SHTN1: variants seen among roughly 807,000 people sequenced by gnomAD.
SHTN1 encodes shootin 1.
SHTN1 carries 42 observed loss-of-function variants against 83.1 expected under a neutral mutation model. The observed-to-expected ratio is 0.51, with a 90% CI of 0.39 to 0.65. The LOEUF (loss-of-function observed/expected upper bound fraction) is 0.65, where lower values mean the gene tolerates loss of function less well. Ranked by LOEUF, SHTN1 falls within the 30% of genes least tolerant of loss-of-function variation. The probability of loss-of-function intolerance (pLI) is 0.00; values close to 1 mark genes in which losing one functional copy is unlikely to be tolerated. For missense variants in SHTN1, 622 were observed against 737.8 expected (o/e 0.84, Z 1.82); for synonymous variants, 224 against 247.7 (o/e 0.90, Z 0.90).
At chr10:117,085,918 ATTTTTT>A (rs35586223) in intron 1 of SHTN1, among the ~76,000 whole-genome samples, 4 of 121,108 alleles carry the variant, frequency 3.3e-5, no homozygotes, top group Admixed American at 9.6e-5. Flanking sequence ...GCTTTGTCTG[ATTTTTT>A]TTTTTTTTTT....
intron 1 of SHTN1, among the ~76,000 whole-genome samples, chr10:117,074,995 T>C (rs1429287729): frequency 2.0e-5 from 3 of 152,098 alleles, no homozygotes; most frequent in African/African-American, 7.2e-5. Flanking sequence ...AATTAAGATA[T>C]TGTGAAGAAA....
intron 1 of SHTN1, among the ~76,000 whole-genome samples, chr10:116,985,833 T>G (rs2133497648): frequency 6.6e-6 from 1 of 152,292 alleles, no homozygotes; most frequent in East Asian, 1.9e-4. Flanking sequence ...ATTACAACAT[T>G]ATTCCCTTCT....
chr10:117,102,469 A>G (rs1182575202), intron 1 of SHTN1, among the ~76,000 whole-genome samples: 1 of 152,126 alleles, frequency 6.6e-6, no homozygotes, highest in Non-Finnish European at 1.5e-5. Context: ...GCTGCCAGTG[A>G]AAAGCCCTGC....
intron 2 of SHTN1, among the ~76,000 whole-genome samples, chr10:117,017,506 A>AC (rs1387338914): frequency 6.6e-6 from 1 of 151,378 alleles, no homozygotes; most frequent in African/African-American, 2.4e-5. Flanking sequence ...AAAAAAAAAA[A>AC]ATTAAATAAA....
chr10:117,116,951 T>C (rs1053971540), intron 1 of SHTN1, among the ~76,000 whole-genome samples: 12 of 152,232 alleles, frequency 7.9e-5, no homozygotes, highest in Non-Finnish European at 1.6e-4. Flanking sequence ...ACAACTAACA[T>C]ATTGAATGAA....
intron 2 of SHTN1, 22 bp downstream of exon 2, chr10:116,979,234 A>G (rs201130352): frequency 1.6e-5 from 26 of 1,587,114 alleles, no homozygotes; most frequent in East Asian, 4.5e-5. Flanking sequence ...AAGAAAGGGG[A>G]AAAAAAAGGT....
chr10:117,100,241 A>G (rs1853570682), intron 1 of SHTN1, among the ~76,000 whole-genome samples: 1 of 152,198 alleles, frequency 6.6e-6, no homozygotes, highest in Non-Finnish European at 1.5e-5. Context: ...CACACATCAG[A>G]TCAGGGCCTG....
chr10:116,916,923 A>G (rs924127975), intron 12 of SHTN1, among the ~76,000 whole-genome samples: 5 of 152,266 alleles, frequency 3.3e-5, no homozygotes, highest in African/African-American at 9.6e-5. Context: ...AACAGTTTTC[A>G]GATCCAGAAG....
chr10:116,965,513 T>G (rs574896054), intron 3 of SHTN1, among the ~76,000 whole-genome samples: 22 of 152,272 alleles, frequency 1.4e-4, no homozygotes, highest in African/African-American at 5.1e-4. Context: ...TGAGACTCCG[T>G]CTCAAAAAAA....
At chr10:117,022,504 G>C (rs952709659) in intron 2 of SHTN1, among the ~76,000 whole-genome samples, 1 of 151,738 alleles carries the variant, frequency 6.6e-6, no homozygotes, top group African/African-American at 2.4e-5. Flanking sequence ...AGATAACCAC[G>C]TTTGAGGATT....
chr10:116,988,260 G>A (rs1851294404), intron 1 of SHTN1, among the ~76,000 whole-genome samples: 1 of 151,454 alleles, frequency 6.6e-6, no homozygotes, highest in African/African-American at 2.4e-5. Context: ...TCCATTTTCT[G>A]TAAATCTAAA....
intron 1 of SHTN1, among the ~76,000 whole-genome samples, chr10:117,083,817 T>C (rs1347434131): frequency 6.6e-6 from 1 of 152,184 alleles, no homozygotes; most frequent in Non-Finnish European, 1.5e-5. Flanking sequence ...GCTGATACCC[T>C]TTCTTCCAGT....
At position 116,982,539 on chromosome 10, in the gene SHTN1, G is replaced by A. The variant is rs560774188; in HGVS notation, c.59-3231C>T. Among the ~76,000 whole-genome samples, 195 of 152,246 alleles carry A rather than the reference G, an allele frequency of 1.3e-3. 1 individual carries two copies. Among genetic ancestry groups the A allele is most frequent in the Non-Finnish European group, 1.9e-3 (132 of 68,022 alleles). On this transcript the variant is annotated intron_variant, in intron 1 of 16. Transcript: ENST00000355371. ...TCCTTTTTGGCAATGTTACGGGGTCGCAGAGAAAGCTGCCTTTTTGTTTCA... is the reference window on the plus strand; with the variant it reads ...TCCTTTTTGGCAATGTTACGGGGTCACAGAGAAAGCTGCCTTTTTGTTTCA...
chr10:116,979,222 G>A, intron 2 of SHTN1, 34 bp downstream of exon 2: 1 of 1,583,784 alleles, frequency 6.3e-7, no homozygotes, highest in South Asian at 1.1e-5. Context: ...TTTTACACAT[G>A]TAAGAAAGGG....
chr10:117,047,403 C>A (rs1401992042), intron 2 of SHTN1, among the ~76,000 whole-genome samples: 2 of 152,036 alleles, frequency 1.3e-5, no homozygotes, highest in African/African-American at 4.8e-5. Flanking sequence ...CTATGTCATT[C>A]AACACTGAGA....
intron 1 of SHTN1, among the ~76,000 whole-genome samples, chr10:117,049,955 T>C (rs1406310828): frequency 6.6e-6 from 1 of 150,938 alleles, no homozygotes; most frequent in Non-Finnish European, 1.5e-5. Flanking sequence ...CTCAAGAAAA[T>C]AGAAAAAGAA....
At chr10:117,021,954 G>A (rs1279745660) in intron 2 of SHTN1, among the ~76,000 whole-genome samples, 1 of 152,128 alleles carries the variant, frequency 6.6e-6, no homozygotes, top group Non-Finnish European at 1.5e-5. Context: ...ATCAGTTAAA[G>A]TAAAGCGGAT....
chr10:116,995,126 T>C (rs1191792259), intron 1 of SHTN1, among the ~76,000 whole-genome samples: 3 of 152,120 alleles, frequency 2.0e-5, no homozygotes, highest in Non-Finnish European at 4.4e-5. Flanking sequence ...ACCATGGCCA[T>C]TTTAAGTCTT....
intron 8 of SHTN1, among the ~76,000 whole-genome samples, chr10:116,944,177 T>C (rs563293408): frequency 6.6e-6 from 1 of 152,308 alleles, no homozygotes; most frequent in African/African-American, 2.4e-5. Flanking sequence ...TGGAGATACA[T>C]CCCAGATTTT....
Sources: allele counts gnomAD v4.1 joint callset (sites outside exome capture counted in the v4.1 genomes callset), GRCh38; gene constraint gnomAD v4.1.1; transcripts MANE v1.5; gene names NCBI Gene and HGNC (gene_info 2026-07-23, HGNC 2026-07-21).